Variants in MALT1 observed in about 807,000 individuals in gnomAD.
MALT1 encodes mucosa-associated lymphoid tissue lymphoma translocation protein 1.
A neutral mutation model predicts 85.5 loss-of-function variants in MALT1; 36 were observed. That is an observed-to-expected ratio of 0.42 (90% confidence interval 0.32 to 0.56). MALT1 has a LOEUF of 0.56. Among genes scored for constraint, MALT1 ranks in the 20% least tolerant of loss-of-function variants. The probability of loss-of-function intolerance (pLI) is 0.10; values close to 1 mark genes in which losing one functional copy is unlikely to be tolerated. For missense variants in MALT1, 716 were observed against 981.6 expected (o/e 0.73, Z 3.62); for synonymous variants, 359 against 361.3 (o/e 0.99, Z 0.07).
chr18:58,719,567 G>A (rs1436552935), intron 9 of MALT1, among the ~76,000 whole-genome samples: 2 of 152,182 alleles, frequency 1.3e-5, no homozygotes, highest in Admixed American at 6.5e-5. Context: ...ACTGGCAGAG[G>A]GGTCACACAT....
chr18:58,699,084 A>G (rs993591192), intron 3 of MALT1, among the ~76,000 whole-genome samples: 1 of 152,180 alleles, frequency 6.6e-6, no homozygotes, highest in African/African-American at 2.4e-5. Context: ...GTTTAATATA[A>G]TCTTCATACC....
intron 1 of MALT1, chr18:58,674,142 G>A (rs62094980): frequency 0.11 from 16,211 of 152,218 alleles, 1,150 homozygotes; most frequent in Admixed American, 0.16. Flanking sequence ...GAAGGAGAGA[G>A]AAGAAAGTCA....
intron 1 of MALT1, among the ~76,000 whole-genome samples, chr18:58,675,971 G>A (rs1277116087): frequency 6.6e-6 from 1 of 152,030 alleles, no homozygotes; most frequent in Non-Finnish European, 1.5e-5. Flanking sequence ...CAAAAACTTC[G>A]AATTCATTCC....
At chr18:58,739,744 C>G (rs1205546421) in intron 13 of MALT1, among the ~76,000 whole-genome samples, 1 of 152,162 alleles carries the variant, frequency 6.6e-6, no homozygotes, top group East Asian at 1.9e-4. Context: ...CTTGCACCGC[C>G]ACAATTCATA....
intron 2 of MALT1, among the ~76,000 whole-genome samples, chr18:58,684,216 GA>G (rs1334898333): frequency 1.3e-5 from 2 of 152,154 alleles, no homozygotes; most frequent in East Asian, 3.9e-4. Flanking sequence ...TTACAGGCGG[GA>G]GCCACCGCCC....
At chr18:58,713,327 G>A (rs188453948) in intron 7 of MALT1, among the ~76,000 whole-genome samples, 9 of 152,056 alleles carry the variant, frequency 5.9e-5, no homozygotes, top group African/African-American at 2.2e-4. Context: ...TGTCCCATGG[G>A]GTACAGGTTA....
chr18:58,750,866 G>C lies in MALT1; in HGVS notation c.*3024G>C, dbSNP rs1464270969. On this transcript the variant is annotated 3_prime_UTR_variant, in exon 17 of 17. Coordinates refer to ENST00000649217, the MANE Select transcript of MALT1 (RefSeq NM_006785.4). The stretch of plus-strand genomic sequence containing the variant: ...GCACAAGCAACAAAGGCAAACAGTA[G>C]ATAAATGGGACTTCATCAAAATTAA... 6.6e-6 allele frequency: 1 copy of C among 152,180 alleles called. No individual in the cohort carries two copies. The highest frequency in any genetic ancestry group is 1.5e-5 in the Non-Finnish European group (1 of 68,036). The allele number at this position is 152,180 out of a possible 1,614,324, so 9.4% of individuals were successfully genotyped here. A position where few individuals can be genotyped will look rare whatever the true frequency, so the allele number is the denominator to read the frequency against.
chr18:58,717,138 G>C (rs2144406404), intron 9 of MALT1, among the ~76,000 whole-genome samples: 1 of 152,284 alleles, frequency 6.6e-6, no homozygotes, highest in Non-Finnish European at 1.5e-5. Flanking sequence ...GAGGCAGGCA[G>C]GATCACCTGG....
chr18:58,671,641 G>T lies in MALT1; in HGVS notation c.-3G>T. 8.2e-7 allele frequency: 1 copy of T among 1,215,698 alleles called. No individual in the cohort carries two copies. Among genetic ancestry groups the T allele is most frequent in the Non-Finnish European group, 1.0e-6 (1 of 977,516 alleles). The allele number at this position is 1,215,698 out of a possible 1,614,324, so 75.3% of individuals were successfully genotyped here. ...CGGCAGTCCGGGGTCGCCGGCGAGG[G>T]CCATGTCGCTGTTGGGGGACCCGCT... On this transcript the variant is annotated 5_prime_UTR_variant, in exon 1 of 17. Coordinates refer to ENST00000649217, the MANE Select transcript of MALT1 (RefSeq NM_006785.4).
At position 58,734,158 on chromosome 18, in the gene MALT1, T is replaced by C. The variant is rs181229096; in HGVS notation, c.1401-149T>C. 234 of 1,137,214 alleles carry C rather than the reference T, an allele frequency of 2.1e-4. 1 individual carries two copies. In the East Asian group the frequency reaches 5.4e-3, roughly 26 times the overall value. 70.4% of individuals were successfully genotyped at this position (1,137,214 alleles called of 1,614,324 possible). Reference sequence around the variant, plus strand: ...GTTAGTGGGTTATTTTGGGTAGATATGTAGCTACCTAGATGAAAAATTTTG... The same window carrying C: ...GTTAGTGGGTTATTTTGGGTAGATACGTAGCTACCTAGATGAAAAATTTTG... On this transcript the variant is annotated intron_variant, in intron 11 of 16. Coordinates refer to ENST00000649217, the MANE Select transcript of MALT1 (RefSeq NM_006785.4).
chr18:58,693,574 T>C (rs1398374866), intron 2 of MALT1, among the ~76,000 whole-genome samples: 1 of 152,234 alleles, frequency 6.6e-6, no homozygotes, highest in Non-Finnish European at 1.5e-5. Flanking sequence ...TGGCTGACTC[T>C]TGTTAGGGGC....
intron 8 of MALT1, 65 bp downstream of exon 8, chr18:58,714,174 C>T (rs188648959): frequency 3.4e-5 from 26 of 759,926 alleles, no homozygotes; most frequent in Admixed American, 2.1e-4. Flanking sequence ...GCAAAGTTAC[C>T]GTAGGTACTC....
intron 4 of MALT1, among the ~76,000 whole-genome samples, 199 bp downstream of exon 4, chr18:58,700,790 T>C (rs1398763844): frequency 6.6e-6 from 1 of 152,096 alleles, no homozygotes; most frequent in East Asian, 1.9e-4. Context: ...ATTTAGTTTT[T>C]GGTTTTGTTG....
At chr18:58,672,534 A>G (rs772258636) in intron 1 of MALT1, 1 of 152,218 alleles carries the variant, frequency 6.6e-6, no homozygotes, top group Non-Finnish European at 1.5e-5. Flanking sequence ...TGAGGACCCC[A>G]GAGAGCTCTT....
At chr18:58,744,268 T>G (rs2055337944) in intron 14 of MALT1, 70 bp from the exon 15 acceptor site, 1 of 995,926 alleles carries the variant, frequency 1.0e-6, no homozygotes, top group African/African-American at 1.6e-5. Flanking sequence ...CTAACTATAT[T>G]CTCCTCCATA....
intron 13 of MALT1, among the ~76,000 whole-genome samples, 162 bp downstream of exon 13, chr18:58,735,491 A>G (rs1410433831): frequency 6.6e-6 from 1 of 152,190 alleles, no homozygotes; most frequent in East Asian, 1.9e-4. Context: ...ACGTTCAGCA[A>G]CACTTCTGCT....
chr18:58,682,887 A>AT (rs2054343500), intron 2 of MALT1, among the ~76,000 whole-genome samples: 1 of 152,278 alleles, frequency 6.6e-6, no homozygotes, highest in Admixed American at 6.5e-5. Flanking sequence ...TGCCCTATGA[A>AT]TTTGATACAC....
intron 13 of MALT1, among the ~76,000 whole-genome samples, chr18:58,736,489 T>C (rs1055719357): frequency 1.3e-5 from 2 of 152,162 alleles, no homozygotes; most frequent in Non-Finnish European, 2.9e-5. Flanking sequence ...ATGTCAGTTA[T>C]ATTCAAACTG....
intron 1 of MALT1, among the ~76,000 whole-genome samples, chr18:58,679,270 A>T (rs1473555636): frequency 2.6e-5 from 4 of 152,276 alleles, no homozygotes; most frequent in Non-Finnish European, 5.9e-5. Flanking sequence ...TTTTTAAAAG[A>T]ATAGTTTTAA....
Sources: gnomAD v4.1 joint callset for allele counts (sites outside exome capture counted in the v4.1 genomes callset) on GRCh38, gnomAD v4.1.1 for gene constraint, MANE v1.5 for transcripts, NCBI Gene and HGNC (gene_info 2026-07-23, HGNC 2026-07-21) for gene names.